PTTG1IP2: variants seen among roughly 807,000 people sequenced by gnomAD.
PTTG1IP2 encodes PTTG1IP family member 2.
intron 1 of PTTG1IP2, among the ~76,000 whole-genome samples, chr7:90,471,074 A>AG (rs1304050282): frequency 2.6e-5 from 4 of 152,194 alleles, no homozygotes; most frequent in Non-Finnish European, 1.5e-5. Flanking sequence ...GCTCACTTCT[A>AG]GGGCTGGCCA....
At chr7:90,498,228 T>C (rs1050862798) in intron 6 of PTTG1IP2, among the ~76,000 whole-genome samples, 3 of 152,182 alleles carry the variant, frequency 2.0e-5, no homozygotes, top group Non-Finnish European at 4.4e-5. Flanking sequence ...GGTTTCACTG[T>C]GTTAGCCAGG....
At position 90,472,614 on chromosome 7, in the gene PTTG1IP2, G is replaced by T. The variant is rs531831981; in HGVS notation, c.145+2683G>T. Among the ~76,000 whole-genome samples, 17 of 152,256 alleles carry T rather than the reference G, an allele frequency of 1.1e-4. 1 individual carries two copies. In the South Asian group the frequency reaches 3.5e-3, roughly 32 times the overall value. ...CACATACTCTAAGCTTACTTATTGT[G>T]GTGGGCTCTGGTAGCTGCCTCATTC... is the stretch of plus-strand genomic sequence containing the variant. On this transcript the variant is annotated intron_variant, in intron 1 of 6. Transcript: ENST00000509356.
At chr7:90,474,959 G>T (rs1797729866) in intron 1 of PTTG1IP2, among the ~76,000 whole-genome samples, 1 of 152,178 alleles carries the variant, frequency 6.6e-6, no homozygotes, top group Non-Finnish European at 1.5e-5. Flanking sequence ...AGATTGGCTT[G>T]CCACAACTCC....
At chr7:90,474,334 T>C (rs1447514776) in intron 1 of PTTG1IP2, among the ~76,000 whole-genome samples, 2 of 152,228 alleles carry the variant, frequency 1.3e-5, no homozygotes, top group Non-Finnish European at 2.9e-5. Flanking sequence ...ACATGACTAG[T>C]TATAGAGATA....
intron 1 of PTTG1IP2, chr7:90,470,252 A>G (rs1157971003): frequency 6.6e-6 from 1 of 152,150 alleles, no homozygotes; most frequent in Non-Finnish European, 1.5e-5. Context: ...TTTTGTTCTA[A>G]TCAGACCCAC....
intron 5 of PTTG1IP2, among the ~76,000 whole-genome samples, chr7:90,492,791 G>A (rs780742404): frequency 6.6e-6 from 1 of 152,154 alleles, no homozygotes; most frequent in African/African-American, 2.4e-5. Flanking sequence ...AAAGATGACC[G>A]TTGTCTTCAG....
At chr7:90,475,186 G>A (rs1402263077) in intron 1 of PTTG1IP2, among the ~76,000 whole-genome samples, 2 of 152,174 alleles carry the variant, frequency 1.3e-5, no homozygotes, top group Non-Finnish European at 2.9e-5. Context: ...AACTTTTATG[G>A]CAAGCAGTAA....
intron 6 of PTTG1IP2, among the ~76,000 whole-genome samples, chr7:90,496,790 A>G (rs537622321): frequency 5.9e-5 from 9 of 152,048 alleles, no homozygotes; most frequent in African/African-American, 1.7e-4. Context: ...TAAGGTTATT[A>G]ATTTGAGATC....
chr7:90,488,360 T>C (rs17865014), intron 3 of PTTG1IP2, among the ~76,000 whole-genome samples: 3,444 of 152,110 alleles, frequency 0.023, 136 homozygotes, highest in African/African-American at 0.078. Context: ...TAGTTTCATT[T>C]TACAACATAC....
intron 1 of PTTG1IP2, among the ~76,000 whole-genome samples, chr7:90,476,436 A>C (rs1307611331): frequency 1.3e-5 from 2 of 152,094 alleles, no homozygotes; most frequent in Non-Finnish European, 2.9e-5. Context: ...ATCTTTGTCT[A>C]GGTTGAGAAT....
chr7:90,496,305 C>G (rs1797990314), intron 6 of PTTG1IP2, among the ~76,000 whole-genome samples: 1 of 152,174 alleles, frequency 6.6e-6, no homozygotes, highest in African/African-American at 2.4e-5. Context: ...CCATTTATTA[C>G]TGATTCAATC....
chr7:90,470,963 C>CGAAAAA (rs1797677635), intron 1 of PTTG1IP2, among the ~76,000 whole-genome samples: 1 of 108,112 alleles, frequency 9.2e-6, no homozygotes, highest in African/African-American at 3.3e-5. Context: ...TGATGAAGAA[C>CGAAAAA]AAAAAAAAAA....
rs144609651 is a variant in PTTG1IP2, at chr7:90,498,743, C to T, written c.*50+4313C>T. On this transcript the variant is annotated intron_variant, in intron 6 of 6. Transcript: ENST00000509356. ...TATCTGGATAATAGTTTCCTAATACCATAATGTTTTAATTGTGGAGGATAT... is the reference window on the plus strand; with the variant it reads ...TATCTGGATAATAGTTTCCTAATACTATAATGTTTTAATTGTGGAGGATAT... Among the ~76,000 whole-genome samples the T allele has an allele frequency of 1.1e-3, 169 of 152,214 alleles. 1 individual carries two copies. The highest frequency in any genetic ancestry group is 7.7e-3 in the Admixed American group (118 of 15,298).
At chr7:90,480,030 G>T (rs549933969) in intron 2 of PTTG1IP2, among the ~76,000 whole-genome samples, 51 of 152,234 alleles carry the variant, frequency 3.4e-4, no homozygotes, top group African/African-American at 1.2e-3. Flanking sequence ...GCATTCTCCA[G>T]CCAGTTCATA....
chr7:90,499,791 C>T (rs187470175), intron 6 of PTTG1IP2, among the ~76,000 whole-genome samples: 1 of 152,242 alleles, frequency 6.6e-6, no homozygotes, highest in Admixed American at 6.5e-5. Context: ...TCATGTTGGC[C>T]AGGCTGGTCT....
chr7:90,512,005 C>A (rs915820766), intron 6 of PTTG1IP2, among the ~76,000 whole-genome samples: 1 of 152,196 alleles, frequency 6.6e-6, no homozygotes, highest in East Asian at 1.9e-4. Flanking sequence ...GCAATAGCAG[C>A]ACCTTATAGT....
rs139214151 is a variant in PTTG1IP2 at position 90,506,208 on chromosome 7, C to T, written c.*51-7070C>T. Reference sequence around the variant, plus strand: ...TTTTTTGCTTGGGAAGATTTTGGTTCTATTAAATTTTTTTTCTATTTTCAC... The same window carrying T: ...TTTTTTGCTTGGGAAGATTTTGGTTTTATTAAATTTTTTTTCTATTTTCAC... On this transcript the variant is annotated intron_variant, in intron 6 of 6. Transcript: ENST00000509356. 5.7e-3 allele frequency among the ~76,000 whole-genome samples: 864 copies of T among 151,894 alleles called. 10 individuals carry two copies. The highest frequency in any genetic ancestry group is 0.02 in the African/African-American group (830 of 41,414).
At chr7:90,504,242 GGAA>G (rs1562989692) in intron 6 of PTTG1IP2, among the ~76,000 whole-genome samples, 1 of 151,960 alleles carries the variant, frequency 6.6e-6, no homozygotes, top group African/African-American at 2.4e-5. Flanking sequence ...CTTGAACCTG[GGAA>G]GCAGAGGTTG....
chr7:90,504,556 G>A (rs1397239474), intron 6 of PTTG1IP2, among the ~76,000 whole-genome samples: 1 of 152,166 alleles, frequency 6.6e-6, no homozygotes, highest in Non-Finnish European at 1.5e-5. Flanking sequence ...ATGAATGTAT[G>A]TGGCTGTGTT....
Sources: allele counts gnomAD v4.1 joint callset (sites outside exome capture counted in the v4.1 genomes callset), GRCh38; gene constraint gnomAD v4.1.1; transcripts MANE v1.5; gene names NCBI Gene and HGNC (gene_info 2026-07-23, HGNC 2026-07-21).